Variants in TTC23L observed in about 807,000 individuals in gnomAD.
TTC23L encodes tetratricopeptide repeat protein 23-like.
In TTC23L, 42 loss-of-function variants were observed where a neutral mutation model predicts 48.1. The ratio of observed to expected loss-of-function variants is 0.87; its 90% confidence interval spans 0.68 to 1.13. The LOEUF is 1.13. TTC23L is among the 50% of genes most tolerant of loss of function. TTC23L has a pLI of 0.00. For synonymous variants in TTC23L, 159 were observed against 157.2 expected, an observed-to-expected ratio of 1.01 and a Z score of -0.09; for missense variants, 391 against 421.0, an observed-to-expected ratio of 0.93 and a Z score of 0.62.
chr5:34,864,695 AAT>A (rs1760924969), intron 6 of TTC23L, 133 bp downstream of exon 6: 11 of 1,153,816 alleles, frequency 9.5e-6, no homozygotes, highest in Admixed American at 2.5e-5. Flanking sequence ...ATATTTACCA[AAT>A]GGATACACTG....
At chr5:34,923,709 T>C in the TTC23L span, among the ~76,000 whole-genome samples, 1 of 152,184 alleles carries the variant, frequency 6.6e-6, no homozygotes, top group Non-Finnish European at 1.5e-5. Flanking sequence ...GCCTGGTCAA[T>C]TTTTAGTTAA....
At chr5:34,845,647 G>A (rs1277979699) in exon 3 of TTC23L, 1 of 1,608,898 alleles carries the variant, frequency 6.2e-7, no homozygotes, top group South Asian at 1.1e-5. Context: ...CCAGAAGAAA[G>A]TAGCTCAGCT....
rs75246236 is a variant in TTC23L, at chr5:34,845,500, G to A, written c.82G>A (p.Glu28Lys). The A allele has an allele frequency of 1.1e-3, 1,769 of 1,613,180 alleles. 16 individuals carry two copies. The African/African-American group carries it at 0.021, about 19-fold the overall frequency. Residue 28 changes from glutamate (E) to lysine (K), a missense_variant, in exon 3 of 11, where the codon GAG (glutamate) becomes AAG (lysine). Coordinates refer to ENST00000505624, the Ensembl canonical transcript of TTC23L. The stretch of plus-strand genomic sequence containing the variant: ...TCATACCTACAGGTCACAGCAAACC[G>A]AGATCCCAGCTCACCAGCAAACAGA...
At chr5:34,851,025 G>A (rs1325014568) in intron 4 of TTC23L, among the ~76,000 whole-genome samples, 5 of 152,276 alleles carry the variant, frequency 3.3e-5, no homozygotes, top group Middle Eastern at 6.8e-3. Flanking sequence ...CATTTTCACC[G>A]TGGAACTCAT....
intron 4 of TTC23L, among the ~76,000 whole-genome samples, chr5:34,859,840 C>CTTTTTTTTTTTT (rs10590697): frequency 1.4e-4 from 13 of 95,362 alleles, no homozygotes; most frequent in Admixed American, 2.8e-4. Context: ...TTTTCTTCTT[C>CTTTTTTTTTTTT]TTTTTTTTTT....
chr5:34,864,787 G>A (rs1040210064), intron 6 of TTC23L, among the ~76,000 whole-genome samples: 1 of 152,138 alleles, frequency 6.6e-6, no homozygotes, highest in East Asian at 1.9e-4. Context: ...ATTAAAGGGG[G>A]GTGGTCAAGG....
At chr5:34,922,928 T>C in the TTC23L span, 18 of 1,274,036 alleles carry the variant, frequency 1.4e-5, no homozygotes, top group Non-Finnish European at 1.9e-5. Flanking sequence ...AGCCAAGTTA[T>C]AGAAACAAAT....
intron 6 of TTC23L, among the ~76,000 whole-genome samples, chr5:34,865,129 A>T (rs1234116374): frequency 1.3e-5 from 2 of 152,206 alleles, no homozygotes; most frequent in Non-Finnish European, 2.9e-5. Flanking sequence ...TGACTTAGGG[A>T]TCCTCTGAGA....
At chr5:34,857,795 G>C (rs1462575912) in intron 4 of TTC23L, among the ~76,000 whole-genome samples, 1 of 152,124 alleles carries the variant, frequency 6.6e-6, no homozygotes, top group African/African-American at 2.4e-5. Context: ...CACAGATAAA[G>C]TAACTTTTTC....
At chr5:34,864,854 A>G (rs766691103) in intron 6 of TTC23L, among the ~76,000 whole-genome samples, 2 of 152,236 alleles carry the variant, frequency 1.3e-5, no homozygotes, top group African/African-American at 2.4e-5. Flanking sequence ...TAAATATTGG[A>G]TCTGTGATCT....
intron 7 of TTC23L, 89 bp downstream of exon 7, chr5:34,867,158 A>G (rs1761118403): frequency 7.6e-7 from 1 of 1,315,926 alleles, no homozygotes. Flanking sequence ...GCTTCTCAGA[A>G]GAACAAGGGC....
the TTC23L span, chr5:34,915,065 C>T: frequency 1.6e-6 from 1 of 621,508 alleles, no homozygotes; most frequent in Non-Finnish European, 2.8e-6. Context: ...ACACGGCTGA[C>T]CAGGCCGAAC....
downstream of TTC23L, chr5:34,902,502 C>T (rs943990412): frequency 4.2e-6 from 1 of 236,626 alleles, no homozygotes; most frequent in African/African-American, 2.3e-5. Flanking sequence ...TATCAACGCA[C>T]TCAGTGCTTA....
At chr5:34,858,132 C>T (rs972404736) in intron 4 of TTC23L, among the ~76,000 whole-genome samples, 2 of 152,172 alleles carry the variant, frequency 1.3e-5, no homozygotes, top group African/African-American at 4.8e-5. Flanking sequence ...GAATCTTGGG[C>T]TCCAGAAGCA....
rs957691057 is a variant in TTC23L at position 34,894,250 on chromosome 5, T to C, written c.1078-2520T>C. 2.0e-5 allele frequency among the ~76,000 whole-genome samples: 3 copies of C among 152,130 alleles called. No individual in the cohort carries two copies. The East Asian group carries it at 5.8e-4, about 29-fold the overall frequency. On this transcript the variant is annotated intron_variant, in intron 9 of 10. Transcript: ENST00000505624. The stretch of plus-strand genomic sequence containing the variant: ...ATACACCTATACATACATAAATATA[T>C]CTTTTAGATTTGTTTATAATAGCAA...
downstream of TTC23L, among the ~76,000 whole-genome samples, chr5:34,902,680 TCTC>T (rs1251983338): frequency 1.3e-5 from 2 of 152,134 alleles, no homozygotes; most frequent in Admixed American, 6.5e-5. Flanking sequence ...TGGTAGGCCT[TCTC>T]CTGGCAGTTG....
the TTC23L span, chr5:34,915,842 C>T: frequency 1.3e-6 from 2 of 1,569,342 alleles, no homozygotes; most frequent in Non-Finnish European, 1.7e-6. Context: ...CGGCACGCCA[C>T]AGCAGAGGAG....
chr5:34,872,713 A>G (rs1036834971), intron 8 of TTC23L, among the ~76,000 whole-genome samples: 26 of 152,242 alleles, frequency 1.7e-4, no homozygotes, highest in African/African-American at 5.5e-4. Flanking sequence ...ATATATATCA[A>G]TAAGTAAAAG....
chr5:34,869,051 C>A, intron 8 of TTC23L, 38 bp downstream of exon 8: 7 of 1,494,446 alleles, frequency 4.7e-6, no homozygotes, highest in South Asian at 3.6e-5. Flanking sequence ...ATTTCCCAGT[C>A]ACATGAGGGA....
Sources: gnomAD v4.1 joint callset for allele counts (sites outside exome capture counted in the v4.1 genomes callset) on GRCh38, gnomAD v4.1.1 for gene constraint, MANE v1.5 for transcripts, NCBI Gene and HGNC (gene_info 2026-07-23, HGNC 2026-07-21) for gene names.